ARHGAP32: variants seen among roughly 807,000 people sequenced by gnomAD.
ARHGAP32 encodes the protein rho GTPase-activating protein 32.
ARHGAP32 carries 51 observed loss-of-function variants against 186.5 expected under a neutral mutation model. That is an observed-to-expected ratio of 0.27 (90% CI 0.22 to 0.35). ARHGAP32 has a LOEUF of 0.35. ARHGAP32 is among the 10% of genes least tolerant of loss of function. The probability of loss-of-function intolerance (pLI) is 1.00; values close to 1 mark genes in which losing one functional copy is unlikely to be tolerated. For synonymous variants in ARHGAP32, 950 were observed against 964.3 expected (o/e 0.99, Z 0.27); for missense variants, 2,186 against 2,623.5 (o/e 0.83, Z 3.64).
chr11:129,115,047 T>G lies in ARHGAP32; in HGVS notation c.444+8399A>C, dbSNP rs78071230. On this transcript the variant is annotated intron_variant, in intron 5 of 22. Coordinates refer to ENST00000682385, the MANE Select transcript of ARHGAP32 (RefSeq NM_001378024.1). The stretch of plus-strand genomic sequence containing the variant: ...AAAGAGTTCTTTTCTTTTATTCATC[T>G]TTTGTAGTTCTATAATGGCTGCAAT... 4.2e-3 allele frequency among the ~76,000 whole-genome samples: 637 copies of G among 152,264 alleles called. 11 individuals carry two copies. Among genetic ancestry groups the G allele is most frequent in the African/African-American group, 0.015 (606 of 41,572 alleles).
At chr11:129,244,493 G>A (rs1158568003) in intron 1 of ARHGAP32, among the ~76,000 whole-genome samples, 5 of 152,044 alleles carry the variant, frequency 3.3e-5, no homozygotes, top group Non-Finnish European at 7.4e-5. Flanking sequence ...AATGTACGAA[G>A]GTAGAAGAAA....
intron 10 of ARHGAP32, among the ~76,000 whole-genome samples, chr11:129,049,481 T>C (rs1013471523): frequency 6.6e-6 from 1 of 152,192 alleles, no homozygotes; most frequent in Non-Finnish European, 1.5e-5. Context: ...GATTATAATA[T>C]ATCCATCAAC....
At chr11:129,030,116 T>G (rs1939049479) in intron 11 of ARHGAP32, among the ~76,000 whole-genome samples, 1 of 152,196 alleles carries the variant, frequency 6.6e-6, no homozygotes, top group Non-Finnish European at 1.5e-5. Flanking sequence ...GGTAGGGATT[T>G]TAACAATCTG....
At chr11:129,124,419 T>A (rs562622212) in intron 3 of ARHGAP32, among the ~76,000 whole-genome samples, 191 of 152,238 alleles carry the variant, frequency 1.3e-3, no homozygotes, top group Non-Finnish European at 2.3e-3. Context: ...AACAGTCAAC[T>A]CTTGGCATCT....
chr11:129,193,573 T>TATATATATTATATATA (rs1944320389), upstream of ARHGAP32, among the ~76,000 whole-genome samples: 1 of 12,190 alleles, frequency 8.2e-5, no homozygotes, highest in Non-Finnish European at 1.4e-4. Context: ...ATATATAATA[T>TATATATATTATATATA]ATATATATTA....
intron 10 of ARHGAP32, among the ~76,000 whole-genome samples, chr11:129,047,962 C>G (rs1000767657): frequency 6.6e-6 from 1 of 152,132 alleles, no homozygotes; most frequent in Non-Finnish European, 1.5e-5. Context: ...CCAAAGGAAG[C>G]AAAAACCAGA....
intron 1 of ARHGAP32, among the ~76,000 whole-genome samples, chr11:129,201,754 G>A (rs1944457443): frequency 1.3e-5 from 2 of 152,158 alleles, no homozygotes; most frequent in Non-Finnish European, 2.9e-5. Flanking sequence ...GCCAAGGCAG[G>A]AAGATCCCTT....
At chr11:129,204,012 C>T (rs1431365702) in intron 1 of ARHGAP32, among the ~76,000 whole-genome samples, 2 of 146,784 alleles carry the variant, frequency 1.4e-5, no homozygotes, top group Non-Finnish European at 3.0e-5. Flanking sequence ...TATATTTATA[C>T]TATATAAAAT....
chr11:129,119,027 G>C (rs1942449935), intron 5 of ARHGAP32, among the ~76,000 whole-genome samples: 1 of 151,998 alleles, frequency 6.6e-6, no homozygotes, highest in South Asian at 2.1e-4. Context: ...CTCCATGGAA[G>C]TAGACTAAAA....
intron 2 of ARHGAP32, among the ~76,000 whole-genome samples, chr11:129,143,354 C>A (rs920088985): frequency 1.3e-5 from 2 of 151,900 alleles, no homozygotes; most frequent in Non-Finnish European, 2.9e-5. Context: ...CAACCTCGGT[C>A]AAAAAATACT....
In ARHGAP32 at chr11:128,969,293, C is replaced by A. The variant is rs935730871; in HGVS notation, c.5920G>T (p.Glu1974Ter). ...TTGTAGCAGTCTCTGGAGTGTTTCT[C>A]TGGGGCAGAAGGCTGCCTAACCCAG... is the stretch of plus-strand genomic sequence containing the variant. ...RPWVRQPSAP[E>*]KHSRDCYKEE... Residue 1974 changes from glutamate to a stop codon, truncating the protein, a stop_gained, in exon 23 of 23, where the codon GAG (glutamate) becomes TAG (stop). Coordinates refer to ENST00000682385, the MANE Select transcript of ARHGAP32 (RefSeq NM_001378024.1). LOFTEE classifies it high-confidence loss of function. This position sits in a 1 kb window ranked among gnomAD's most constrained non-coding sequence, Gnocchi z 4.8. The A allele has an allele frequency of 1.2e-6, 2 of 1,614,208 alleles. No homozygotes were observed. The highest frequency in any genetic ancestry group is 2.2e-5 in the South Asian group (2 of 91,084).
chr11:129,232,684 T>C (rs1220799964), intron 1 of ARHGAP32, among the ~76,000 whole-genome samples: 1 of 152,170 alleles, frequency 6.6e-6, no homozygotes, highest in Non-Finnish European at 1.5e-5. Context: ...TCCTTCCAAG[T>C]TCATGCGGGT....
intron 5 of ARHGAP32, among the ~76,000 whole-genome samples, chr11:129,105,466 G>A (rs1942023443): frequency 6.6e-6 from 1 of 152,152 alleles, no homozygotes. Flanking sequence ...ACCGGAGAAA[G>A]TGGCTTTTTC....
intron 2 of ARHGAP32, among the ~76,000 whole-genome samples, chr11:129,163,345 A>T (rs1216755692): frequency 6.6e-6 from 1 of 152,186 alleles, no homozygotes; most frequent in East Asian, 1.9e-4. Flanking sequence ...CTTCATTCTT[A>T]TTAATAGATC....
At chr11:129,019,990 T>C (rs1050963385) in intron 11 of ARHGAP32, among the ~76,000 whole-genome samples, 1 of 152,038 alleles carries the variant, frequency 6.6e-6, no homozygotes, top group Admixed American at 6.6e-5. Context: ...AGATTAGTAA[T>C]ATGAAAAATG....
At chr11:129,121,669 C>G (rs1036827964) in intron 5 of ARHGAP32, among the ~76,000 whole-genome samples, 1 of 152,072 alleles carries the variant, frequency 6.6e-6, no homozygotes, top group African/African-American at 2.4e-5. Flanking sequence ...AGTATCACAT[C>G]TTTTTTTCCT....
intron 2 of ARHGAP32, among the ~76,000 whole-genome samples, chr11:129,154,576 C>T (rs143095938): frequency 2.6e-5 from 4 of 152,166 alleles, no homozygotes; most frequent in Non-Finnish European, 4.4e-5. Context: ...TAATGGCATC[C>T]GTAGCAACCT....
In ARHGAP32 at chr11:128,969,906, G is replaced by A; in HGVS notation, c.5307C>T (p.Ile1769=). The A allele has an allele frequency of 6.2e-7, 1 of 1,614,200 alleles. No individual in the cohort carries two copies. The highest frequency in any genetic ancestry group is 8.5e-7 in the Non-Finnish European group (1 of 1,180,036). The change falls in exon 23 of 23, where the codon ATC becomes ATT. Residue 1769 remains isoleucine (I), a synonymous_variant. Transcript: ENST00000682385. The surrounding 1 kb of genome is among the most constrained non-coding windows in gnomAD (Gnocchi z 4.8). ...EDMEKYRMQS[I]RRESRARQKV... ...TCTGCCGAGCACGGCTCTCTCTCCGGATGGACTGCATGCGGTATTTTTCCA... is the reference window on the plus strand; with the variant it reads ...TCTGCCGAGCACGGCTCTCTCTCCGAATGGACTGCATGCGGTATTTTTCCA...
chr11:129,120,996 T>G (rs2135374299), intron 5 of ARHGAP32, among the ~76,000 whole-genome samples: 1 of 152,188 alleles, frequency 6.6e-6, no homozygotes, highest in East Asian at 1.9e-4. Flanking sequence ...TATTCCAACC[T>G]TATATTGAAA....
Sources: allele counts gnomAD v4.1 joint callset (sites outside exome capture counted in the v4.1 genomes callset), GRCh38; gene constraint gnomAD v4.1.1; non-coding constraint Gnocchi (gnomAD v3.1); transcripts MANE v1.5; gene names NCBI Gene and HGNC (gene_info 2026-07-23, HGNC 2026-07-21).